Variants in DNAJC5 observed in about 807,000 individuals in gnomAD.
DNAJC5 encodes dnaJ homolog subfamily C member 5.
In DNAJC5, 1 loss-of-function variant was observed where a neutral mutation model predicts 23.2. The ratio of observed to expected loss-of-function variants is 0.04; its 90% confidence interval spans 0.02 to 0.20. DNAJC5 has a LOEUF of 0.20. Ranked by LOEUF, DNAJC5 falls within the 10% of genes least tolerant of loss-of-function variation. DNAJC5 has a pLI of 1.00. For missense variants in DNAJC5, 180 were observed against 267.0 expected, an observed-to-expected ratio of 0.67 and a Z score of 2.27; for synonymous variants, 136 against 120.0, an observed-to-expected ratio of 1.13 and a Z score of -0.87.
Position 63,931,499 on chromosome 20 carries a change from A to G in DNAJC5, c.528A>G (p.Ala176=), listed in dbSNP as rs773154613. The change falls in exon 5 of 5, where the codon GCA becomes GCG. Residue 176 remains alanine, a synonymous_variant. Transcript: ENST00000360864. The surrounding 1 kb of genome is among the most constrained non-coding windows in gnomAD (Gnocchi z 9.6). ...ACACGCCGATCGTCATACAGCCGGC[A>G]TCCGCCACCGAGACCACCCAGCTCA... The part of the protein sequence containing the change: ...ATDTPIVIQP[A]SATETTQLTA... The G allele has an allele frequency of 7.0e-6, 11 of 1,577,234 alleles. No individual in the cohort carries two copies. In the African/African-American group the frequency reaches 1.4e-4, roughly 20 times the overall value.
chr20:63,922,253 G>C (rs1185304640), intron 1 of DNAJC5, among the ~76,000 whole-genome samples: 9 of 151,676 alleles, frequency 5.9e-5, no homozygotes, highest in Non-Finnish European at 1.3e-4. Flanking sequence ...CCTGAGGTCA[G>C]GAGTTCAAGA....
At chr20:63,912,185 C>T (rs146540535) in intron 1 of DNAJC5, among the ~76,000 whole-genome samples, 159 of 150,590 alleles carry the variant, frequency 1.1e-3, no homozygotes, top group African/African-American at 3.7e-3. Flanking sequence ...TGCCTGTGAT[C>T]CCAGCTACTC....
Position 63,929,537 on chromosome 20 carries a change from C to G in DNAJC5, c.321+12C>G. The G allele has an allele frequency of 6.2e-7, 1 of 1,612,760 alleles. No homozygotes were observed. ...GCTGGTGGGCCAAGGTGAGGGCGAG[C>G]TGCCTGCCGTGCGGGCACCCGAGTC... On this transcript the variant is annotated intron_variant, in intron 3 of 4. Transcript: ENST00000360864. This position sits in a 1 kb window ranked among gnomAD's most constrained non-coding sequence, Gnocchi z 8.6.
At position 63,928,518 on chromosome 20, in the gene DNAJC5, T is replaced by C; in HGVS notation, c.107+66T>C. The stretch of plus-strand genomic sequence containing the variant: ...CACACATGCCCCGTGTGGTTTAGTC[T>C]GCATTTTACCAAGAACCATTGCACA... On this transcript the variant is annotated intron_variant, in intron 2 of 4. Coordinates refer to ENST00000360864, the MANE Select transcript of DNAJC5 (RefSeq NM_025219.3). The surrounding 1 kb of genome is among the most constrained non-coding windows in gnomAD (Gnocchi z 4.6). 7.4e-7 allele frequency: 1 copy of C among 1,358,336 alleles called. No homozygotes were observed. Among genetic ancestry groups the C allele is most frequent in the Non-Finnish European group, 1.1e-6 (1 of 949,814 alleles). 84.1% of individuals were successfully genotyped at this position (1,358,336 alleles called of 1,614,324 possible). A position where few individuals can be genotyped will look rare whatever the true frequency, so the allele number is the denominator to read the frequency against.
intron 1 of DNAJC5, among the ~76,000 whole-genome samples, chr20:63,921,294 A>T (rs2053569983): frequency 6.6e-6 from 1 of 152,056 alleles, no homozygotes; most frequent in Non-Finnish European, 1.5e-5. Flanking sequence ...GATGTCACTA[A>T]AAGAGTTCTG....
At chr20:63,926,857 C>T (rs1169477724) in intron 1 of DNAJC5, among the ~76,000 whole-genome samples, 1 of 152,248 alleles carries the variant, frequency 6.6e-6, no homozygotes, top group East Asian at 1.9e-4. Context: ...AGTCATGTTT[C>T]ATCTGGGTGC....
At chr20:63,899,996 C>G (rs2053401531) in intron 1 of DNAJC5, among the ~76,000 whole-genome samples, 2 of 149,866 alleles carry the variant, frequency 1.3e-5, no homozygotes, top group Non-Finnish European at 3.0e-5. Flanking sequence ...TCAAGTGATT[C>G]TCCTGCCTCA....
Position 63,935,382 on chromosome 20 carries a change from G to C in DNAJC5, c.*3814G>C, listed in dbSNP as rs568079996. Reference sequence around the variant, plus strand: ...AAGCGCTGAGCCCACTGTGTGCAGAGGGTGTGTGCCCAGGGCACTGCCACG... The same window carrying C: ...AAGCGCTGAGCCCACTGTGTGCAGACGGTGTGTGCCCAGGGCACTGCCACG... On this transcript the variant is annotated 3_prime_UTR_variant, in exon 5 of 5. Transcript: ENST00000360864. The C allele has an allele frequency of 1.3e-5, 2 of 152,434 alleles. No individual in the cohort carries two copies. The highest frequency in any genetic ancestry group is 4.1e-4 in the South Asian group (2 of 4,830). The allele number at this position is 152,434 out of a possible 1,614,324, so 9.4% of individuals were successfully genotyped here.
chr20:63,923,329 C>G (rs1274415289), intron 1 of DNAJC5, among the ~76,000 whole-genome samples: 1 of 151,440 alleles, frequency 6.6e-6, no homozygotes, highest in Non-Finnish European at 1.5e-5. Context: ...GTAGTCTTAG[C>G]TGCTTGGGAT....
intron 1 of DNAJC5, among the ~76,000 whole-genome samples, chr20:63,909,657 G>A (rs1428927294): frequency 1.3e-5 from 2 of 152,246 alleles, no homozygotes; most frequent in Non-Finnish European, 1.5e-5. Context: ...CTCCAGCCTG[G>A]GCGACAGAGC....
Position 63,928,367 on chromosome 20 carries a change from T to A in DNAJC5, c.22T>A (p.Ser8Thr), listed in dbSNP as rs2053633078. The change falls in exon 2 of 5, where the codon TCA becomes ACA. Residue 8 changes from serine (S) to threonine (T), a missense_variant. Physicochemically the swap from Ser to Thr is moderately conservative, Grantham distance 58. Coordinates refer to ENST00000360864, the MANE Select transcript of DNAJC5 (RefSeq NM_025219.3). The surrounding 1 kb of genome is among the most constrained non-coding windows in gnomAD (Gnocchi z 4.6). ...TAACATGGCAGACCAGAGACAGCGC[T>A]CACTGTCTACCTCTGGGGAGTCATT... Reference protein sequence around the residue: MADQRQRSLSTSGESLYH... With the variant: MADQRQRTLSTSGESLYH... 6.2e-7 allele frequency: 1 copy of A among 1,613,710 alleles called. No individual in the cohort carries two copies. The highest frequency in any genetic ancestry group is 8.5e-7 in the Non-Finnish European group (1 of 1,179,826).
In DNAJC5 at chr20:63,928,547, T is replaced by C; in HGVS notation, c.107+95T>C. On this transcript the variant is annotated intron_variant, in intron 2 of 4. Coordinates refer to ENST00000360864, the MANE Select transcript of DNAJC5 (RefSeq NM_025219.3). This position sits in a 1 kb window ranked among gnomAD's most constrained non-coding sequence, Gnocchi z 4.6. ...TTTTACCAAGAACCATTGCACATACTTTATCCTGGCCGACTCAGCGTTGAA... is the reference window on the plus strand; with the variant it reads ...TTTTACCAAGAACCATTGCACATACCTTATCCTGGCCGACTCAGCGTTGAA... 9.5e-7 allele frequency: 1 copy of C among 1,056,520 alleles called. No homozygotes were observed. The highest frequency in any genetic ancestry group is 1.5e-6 in the Non-Finnish European group (1 of 684,418). The allele number at this position is 1,056,520 out of a possible 1,614,324, so 65.4% of individuals were successfully genotyped here. A position where few individuals can be genotyped will look rare whatever the true frequency, so the allele number is the denominator to read the frequency against.
At chr20:63,902,513 C>T (rs1426483451) in intron 1 of DNAJC5, among the ~76,000 whole-genome samples, 6 of 151,500 alleles carry the variant, frequency 4.0e-5, no homozygotes, top group Non-Finnish European at 7.4e-5. Flanking sequence ...GGATTACAGG[C>T]GTGTGCCACC....
intron 1 of DNAJC5, among the ~76,000 whole-genome samples, chr20:63,905,308 G>A (rs1299546950): frequency 2.0e-5 from 3 of 151,884 alleles, no homozygotes; most frequent in African/African-American, 4.8e-5. Flanking sequence ...TAGAGATGGG[G>A]TTTCACCATG....
At position 63,931,945 on chromosome 20, in the gene DNAJC5, G is replaced by T. The variant is rs888189173; in HGVS notation, c.*377G>T. The T allele has an allele frequency of 2.8e-6, 1 of 360,042 alleles. No homozygotes were observed. Among genetic ancestry groups the T allele is most frequent in the South Asian group, 2.2e-5 (1 of 45,214 alleles). The allele number at this position is 360,042 out of a possible 1,614,324, so 22.3% of individuals were successfully genotyped here. Reference sequence around the variant, plus strand: ...AGCCGGTCAGGTGGGCGAGGAGAAGGGGGGCTGCCCCTTTCCTACCTGTGC... The same window carrying T: ...AGCCGGTCAGGTGGGCGAGGAGAAGTGGGGCTGCCCCTTTCCTACCTGTGC... On this transcript the variant is annotated 3_prime_UTR_variant, in exon 5 of 5. Coordinates refer to ENST00000360864, the MANE Select transcript of DNAJC5 (RefSeq NM_025219.3). The surrounding 1 kb of genome is among the most constrained non-coding windows in gnomAD (Gnocchi z 9.6).
At chr20:63,907,400 G>T (rs2146277127) in intron 1 of DNAJC5, among the ~76,000 whole-genome samples, 1 of 152,284 alleles carries the variant, frequency 6.6e-6, no homozygotes, top group East Asian at 1.9e-4. Flanking sequence ...GCCTGGCATA[G>T]GGTCTGACCG....
rs146719477 is a variant in DNAJC5 at position 63,930,977 on chromosome 20, G to T, written c.448G>T (p.Val150Leu). The change falls in exon 4 of 5, where the codon GTG (valine) becomes TTG (leucine). Residue 150 changes from valine to leucine, a missense_variant. Coordinates refer to ENST00000360864, the MANE Select transcript of DNAJC5 (RefSeq NM_025219.3). Reference sequence around the variant, plus strand: ...TGAAGGCGAGGAGACGGAGTTCTACGTGTCCCCCGAGGATCTGGAGGCACA... The same window carrying T: ...TGAAGGCGAGGAGACGGAGTTCTACTTGTCCCCCGAGGATCTGGAGGCACA... The part of the protein sequence containing the change: ...APEGEETEFY[V>L]SPEDLEAQLQ... 7 of 1,613,966 alleles carry T rather than the reference G, an allele frequency of 4.3e-6. No individual in the cohort carries two copies. In the African/African-American group the frequency reaches 9.3e-5, roughly 22 times the overall value.
At chr20:63,925,358 C>G (rs556131038) in intron 1 of DNAJC5, among the ~76,000 whole-genome samples, 1 of 152,288 alleles carries the variant, frequency 6.6e-6, no homozygotes, top group South Asian at 2.1e-4. Context: ...GTTCGCGTGC[C>G]TGTAGTCCCA....
intron 1 of DNAJC5, among the ~76,000 whole-genome samples, chr20:63,901,450 T>C (rs2053411286): frequency 6.6e-6 from 1 of 152,190 alleles, no homozygotes; most frequent in Admixed American, 6.5e-5. Context: ...TGGAAATGTG[T>C]TCTAGTGAAA....
Sources: gnomAD v4.1 joint callset for allele counts (sites outside exome capture counted in the v4.1 genomes callset) on GRCh38, gnomAD v4.1.1 for gene constraint, Gnocchi (gnomAD v3.1) non-coding constraint, MANE v1.5 for transcripts, NCBI Gene and HGNC (gene_info 2026-07-23, HGNC 2026-07-21) for gene names.